The following MGA variants were observed in gnomAD, a reference collection of about 807,000 sequenced individuals.
MGA encodes the protein MAX gene-associated protein.
MGA carries 40 observed loss-of-function variants against 261.1 expected under a neutral mutation model. The ratio of observed to expected loss-of-function variants is 0.15; its 90% confidence interval spans 0.12 to 0.20. MGA has a LOEUF of 0.20. Among genes scored for constraint, MGA ranks in the 10% least tolerant of loss-of-function variants. MGA has a pLI of 1.00. For missense variants in MGA, 3,397 were observed against 3,630.5 expected (o/e 0.94, Z 1.65); for synonymous variants, 1,302 against 1,290.6 (o/e 1.01, Z -0.19).
chr15:41,712,980 C>T (rs1390690799), intron 8 of MGA, among the ~76,000 whole-genome samples, 171 bp from the exon 9 acceptor site: 1 of 152,158 alleles, frequency 6.6e-6, no homozygotes, highest in Non-Finnish European at 1.5e-5. Context: ...ATTAGAATGG[C>T]AGATTGTTTA....
intron 11 of MGA, among the ~76,000 whole-genome samples, chr15:41,731,403 TCA>T (rs920533009): frequency 6.7e-6 from 1 of 149,242 alleles, no homozygotes; most frequent in Non-Finnish European, 1.5e-5. Flanking sequence ...ATAATTTCTC[TCA>T]TAATTATTTT....
In MGA at chr15:41,768,930, G is replaced by T. The variant is rs1292041928; in HGVS notation, c.*1650G>T. 1 of 152,456 alleles carries T rather than the reference G, an allele frequency of 6.6e-6. No homozygotes were observed. Among genetic ancestry groups the T allele is most frequent in the Non-Finnish European group, 1.5e-5 (1 of 68,040 alleles). The allele number at this position is 152,456 out of a possible 1,614,324, so 9.4% of individuals were successfully genotyped here. ...GTGGGAGCAAATTCTTGTTGGTTTT[G>T]TGCTGCTTGCCTTTCTAGATCTGCT... On this transcript the variant is annotated 3_prime_UTR_variant, in exon 24 of 24. Coordinates refer to ENST00000219905, the MANE Select transcript of MGA (RefSeq NM_001164273.2).
Position 41,704,850 on chromosome 15 carries a change from TTTGC to T in MGA, c.2189-2874_2189-2871del, listed in dbSNP as rs551304427. On this transcript the variant is annotated intron_variant, in intron 5 of 23. Transcript: ENST00000219905. The stretch of plus-strand genomic sequence containing the variant: ...ATATCTTATTGTAGGTGAATCTGTC[TTTGC>T]TTGAATCTAAAGGTTATCTCTTTTC... Among the ~76,000 whole-genome samples the T allele has an allele frequency of 4.5e-4, 68 of 152,324 alleles. No individual in the cohort carries two copies. The South Asian group carries it at 0.011, about 24-fold the overall frequency.
Position 41,764,999 on chromosome 15 carries a change from T to C in MGA, c.7858T>C (p.Ser2620Pro), listed in dbSNP as rs1358481816. 2 of 1,613,942 alleles carry C rather than the reference T, an allele frequency of 1.2e-6. No homozygotes were observed. The highest frequency in any genetic ancestry group is 3.3e-5 in the Admixed American group (2 of 60,008). The change falls in exon 23 of 24, where the codon TCT (serine) becomes CCT (proline). Residue 2620 changes from serine (S) to proline (P), a missense_variant. Around this residue, in one of 9 missense-constraint regions of MGA, gnomAD observed 647 missense variants for 642.4 expected, o/e 1.01. Transcript: ENST00000219905. ...ATTCTCAGGACCAGTGGTAGCTGTT[T>C]CTCCTGATCTCTTAGAATCTGATCT...
intron 1 of MGA, among the ~76,000 whole-genome samples, chr15:41,622,893 T>G (rs1595527214): frequency 6.6e-6 from 1 of 152,248 alleles, no homozygotes; most frequent in African/African-American, 2.4e-5. Flanking sequence ...ACCTTTTGAT[T>G]TATCTTAAAA....
chr15:41,657,033 G>C (rs1016867776), upstream of MGA, among the ~76,000 whole-genome samples: 1 of 152,170 alleles, frequency 6.6e-6, no homozygotes, highest in Admixed American at 6.5e-5. Context: ...TTCTGCCTCT[G>C]CCTCCCAAAG....
chr15:41,665,547 T>A (rs1289629140), intron 1 of MGA, among the ~76,000 whole-genome samples: 1 of 151,974 alleles, frequency 6.6e-6, no homozygotes, highest in Non-Finnish European at 1.5e-5. Flanking sequence ...CTACACACCA[T>A]TGTAGAGATG....
chr15:41,728,544 GAAAA>G, intron 10 of MGA, among the ~76,000 whole-genome samples: 1 of 152,092 alleles, frequency 6.6e-6, no homozygotes, highest in East Asian at 1.9e-4. Context: ...CTATAGAAAA[GAAAA>G]TGTTACTAAG....
intron 1 of MGA, among the ~76,000 whole-genome samples, chr15:41,644,825 T>C (rs1158586047): frequency 1.3e-5 from 2 of 152,192 alleles, no homozygotes; most frequent in African/African-American, 4.8e-5. Context: ...TCCAGTGTTG[T>C]ATAGCTAATC....
intron 1 of MGA, among the ~76,000 whole-genome samples, chr15:41,624,515 A>G (rs1372181379): frequency 6.6e-6 from 1 of 152,080 alleles, no homozygotes; most frequent in Non-Finnish European, 1.5e-5. Flanking sequence ...TTGTATTTTT[A>G]GTAGAGACGG....
chr15:41,690,645 A>AG (rs1427133274), intron 2 of MGA, among the ~76,000 whole-genome samples: 4 of 152,144 alleles, frequency 2.6e-5, no homozygotes, highest in African/African-American at 9.7e-5. Flanking sequence ...GCTTGAGCCC[A>AG]GGAGTTTGAG....
At chr15:41,671,424 A>C (rs568500340) in intron 2 of MGA, among the ~76,000 whole-genome samples, 12 of 151,978 alleles carry the variant, frequency 7.9e-5, no homozygotes, top group Admixed American at 2.6e-4. Flanking sequence ...CCCAGGTTCA[A>C]GCGATTCTCC....
At chr15:41,664,750 T>C (rs773511989) in intron 1 of MGA, among the ~76,000 whole-genome samples, 2 of 152,226 alleles carry the variant, frequency 1.3e-5, no homozygotes, top group Non-Finnish European at 2.9e-5. Context: ...ATTGTAGAGG[T>C]ATTTTTTTTT....
intron 9 of MGA, among the ~76,000 whole-genome samples, chr15:41,715,533 T>C (rs939416424): frequency 6.6e-6 from 1 of 152,184 alleles, no homozygotes; most frequent in Non-Finnish European, 1.5e-5. Flanking sequence ...GTTGTTAATA[T>C]AGCTGAATTT....
intron 20 of MGA, 31 bp downstream of exon 20, chr15:41,760,560 C>A (rs1041608886): frequency 8.1e-6 from 13 of 1,596,686 alleles, no homozygotes; most frequent in Non-Finnish European, 1.1e-5. Flanking sequence ...ACAGTAAGAG[C>A]TTGACTAAGA....
At chr15:41,746,068 C>T (rs1240052228) in intron 15 of MGA, among the ~76,000 whole-genome samples, 1 of 152,092 alleles carries the variant, frequency 6.6e-6, no homozygotes, top group African/African-American at 2.4e-5. Context: ...GATTTTTCTC[C>T]TTTTCCTCTT....
chr15:41,657,395 T>C (rs1337592953), upstream of MGA, among the ~76,000 whole-genome samples: 1 of 138,904 alleles, frequency 7.2e-6, no homozygotes, highest in Admixed American at 7.7e-5. Flanking sequence ...GCTCTGTCGT[T>C]CAGGCTGGAG....
In MGA at chr15:41,642,403, G is replaced by A. The variant is rs528484787; in HGVS notation, c.-68+21105G>A. On this transcript the variant is annotated intron_variant, in intron 1 of 8. Coordinates refer to the MGA transcript ENST00000566718. ...CGGCTCACTGCAACTTCCACCTCCC[G>A]GGTTCAAGCTTTTCTCCTGCCTCAG... Among the ~76,000 whole-genome samples, 69 of 148,634 alleles carry A rather than the reference G, an allele frequency of 4.6e-4. 1 individual carries two copies. The East Asian group carries it at 0.01, about 22-fold the overall frequency.
chr15:41,766,051 T>C lies in MGA; in HGVS notation c.7969T>C (p.Leu2657=). The change falls in exon 24 of 24, where the codon TTG becomes CTG. Residue 2657 remains leucine (L), a synonymous_variant. Coordinates refer to ENST00000219905, the MANE Select transcript of MGA (RefSeq NM_001164273.2). ...GCCACGAATTGTTAATGTGACATCA[T>C]TGGCCACAGAGGGAGGTTTGGTAGA... is the stretch of plus-strand genomic sequence containing the variant. 6.2e-6 allele frequency: 10 copies of C among 1,613,776 alleles called. No homozygotes were observed. The highest frequency in any genetic ancestry group is 6.8e-6 in the Non-Finnish European group (8 of 1,179,828).
Sources: allele counts gnomAD v4.1 joint callset (sites outside exome capture counted in the v4.1 genomes callset), GRCh38; gene constraint gnomAD v4.1.1; regional missense constraint gnomAD v4.1.1; transcripts MANE v1.5; gene names NCBI Gene and HGNC (gene_info 2026-07-23, HGNC 2026-07-21).